The following ABCB5 variants were observed in gnomAD, a reference collection of about 807,000 sequenced individuals.
ABCB5 encodes ATP-binding cassette sub-family B member 5.
A neutral mutation model predicts 144.2 loss-of-function variants in ABCB5; 155 were observed. The observed-to-expected ratio is 1.08, with a 90% CI of 0.94 to 1.23. The LOEUF (loss-of-function observed/expected upper bound fraction) is 1.23, where lower values mean the gene tolerates loss of function less well. ABCB5 is among the 50% of genes most tolerant of loss of function. ABCB5 has a pLI of 0.00. For missense variants in ABCB5, 1,830 were observed against 1,520.8 expected, an observed-to-expected ratio of 1.20 and a Z score of -3.38; for synonymous variants, 610 against 528.6, an observed-to-expected ratio of 1.15 and a Z score of -2.11.
intron 16 of ABCB5, among the ~76,000 whole-genome samples, chr7:20,687,201 C>T (rs1162131075): frequency 1.3e-5 from 2 of 152,152 alleles, no homozygotes; most frequent in African/African-American, 4.8e-5. Flanking sequence ...CTGGACCTCC[C>T]TCAGCAACTG....
chr7:20,683,504 G>A (rs780670933), intron 15 of ABCB5, among the ~76,000 whole-genome samples: 14 of 152,180 alleles, frequency 9.2e-5, no homozygotes, highest in Non-Finnish European at 1.3e-4. Context: ...TCTTTCTTTG[G>A]AGTAGTACAT....
intron 20 of ABCB5, among the ~76,000 whole-genome samples, chr7:20,711,535 C>T (rs980098194): frequency 2.7e-5 from 4 of 147,252 alleles, no homozygotes; most frequent in African/African-American, 7.6e-5. Context: ...GATCACTACT[C>T]ATTGCAGCCT....
intron 5 of ABCB5, among the ~76,000 whole-genome samples, chr7:20,639,631 C>A (rs1784248137): frequency 6.6e-6 from 1 of 152,158 alleles, no homozygotes; most frequent in Non-Finnish European, 1.5e-5. Flanking sequence ...TGCCTTGGCA[C>A]CTTTGCTAAA....
At position 20,681,128 on chromosome 7, in the gene ABCB5, T is replaced by C. The variant is rs865787748; in HGVS notation, c.1708-377T>C. 2.9e-5 allele frequency among the ~76,000 whole-genome samples: 4 copies of C among 139,794 alleles called. 1 individual carries two copies. The highest frequency in any genetic ancestry group is 3.1e-5 in the Non-Finnish European group (2 of 64,686). 91.7% of individuals were successfully genotyped at this position (139,794 alleles called of 152,430 possible). On this transcript the variant is annotated intron_variant, in intron 14 of 27. Transcript: ENST00000404938. ...TCTTTCTTTCTTTCTTTCTTTCTTT[T>C]TCTTTCTGTCTTCTTTTTTGAGACG... is the stretch of plus-strand genomic sequence containing the variant.
In ABCB5 at chr7:20,650,010, A is replaced by G. The variant is rs374355055; in HGVS notation, c.1207-12A>G. 6.2e-7 allele frequency: 1 copy of G among 1,606,768 alleles called. No homozygotes were observed. The highest frequency in any genetic ancestry group is 1.3e-5 in the African/African-American group (1 of 74,820). On this transcript the variant is annotated splice_polypyrimidine_tract_variant and intron_variant, in intron 11 of 27. Transcript: ENST00000404938. ...TGTGGTTTTATGATTTTCCCTCCAT[A>G]CATTCCAATAGATTCTGAAAGGTCT... is the stretch of plus-strand genomic sequence containing the variant.
intron 2 of ABCB5, among the ~76,000 whole-genome samples, 198 bp from the exon 3 acceptor site, chr7:20,626,359 C>T (rs1583375621): frequency 6.6e-6 from 1 of 152,182 alleles, no homozygotes; most frequent in Non-Finnish European, 1.5e-5. Context: ...CCTCCAGACA[C>T]GTCTTCAAGT....
chr7:20,755,076 A>G (rs1024888015), intron 27 of ABCB5, among the ~76,000 whole-genome samples: 1 of 152,010 alleles, frequency 6.6e-6, no homozygotes, highest in Non-Finnish European at 1.5e-5. Flanking sequence ...CAGCCTCCCA[A>G]ATAGCTCGGA....
At chr7:20,707,823 T>TTTTTTTTTG (rs3033670) in intron 20 of ABCB5, among the ~76,000 whole-genome samples, 1 of 75,698 alleles carries the variant, frequency 1.3e-5, no homozygotes. Context: ...TTTTTTTTTT[T>TTTTTTTTTG]GAGACGGGGT....
chr7:20,681,352 C>T (rs905458053), intron 14 of ABCB5, among the ~76,000 whole-genome samples, 153 bp from the exon 15 acceptor site: 20 of 152,078 alleles, frequency 1.3e-4, no homozygotes, highest in African/African-American at 4.6e-4. Context: ...ATCTCTAACT[C>T]GTGACCTCAG....
chr7:20,738,897 T>C (rs762637382), intron 23 of ABCB5, 86 bp from the exon 24 acceptor site: 6 of 1,393,290 alleles, frequency 4.3e-6, no homozygotes, highest in Non-Finnish European at 5.7e-6. Context: ...TATATTCCTG[T>C]GCCTGCTTTT....
chr7:20,666,712 G>A, intron 14 of ABCB5: 3 of 1,581,404 alleles, frequency 1.9e-6, no homozygotes, highest in Non-Finnish European at 1.7e-6. Flanking sequence ...AATCTGTGAA[G>A]TAGGATAGGA....
chr7:20,623,512 A>G (rs1387278104), intron 2 of ABCB5, among the ~76,000 whole-genome samples, 174 bp downstream of exon 2: 3 of 152,172 alleles, frequency 2.0e-5, no homozygotes, highest in Non-Finnish European at 4.4e-5. Flanking sequence ...TGATTTTAGG[A>G]ACTGCAATAG....
chr7:20,676,499 G>T (rs894010127), intron 14 of ABCB5, among the ~76,000 whole-genome samples: 1 of 152,158 alleles, frequency 6.6e-6, no homozygotes, highest in South Asian at 2.1e-4. Context: ...GTCGCAGAAG[G>T]ACAAATACTG....
At chr7:20,714,062 G>A (rs767457669) in intron 20 of ABCB5, among the ~76,000 whole-genome samples, 1 of 152,118 alleles carries the variant, frequency 6.6e-6, no homozygotes, top group East Asian at 1.9e-4. Flanking sequence ...ACCTCTGCCC[G>A]TGGTTGCCTT....
intron 14 of ABCB5, among the ~76,000 whole-genome samples, chr7:20,677,472 G>A (rs1785653773): frequency 6.6e-6 from 1 of 152,172 alleles, no homozygotes; most frequent in Non-Finnish European, 1.5e-5. Flanking sequence ...CCCTTTGCCA[G>A]TAATCCAGCA....
At chr7:20,628,522 T>A (rs1004189610) in intron 3 of ABCB5, among the ~76,000 whole-genome samples, 166 bp from the exon 4 acceptor site, 5 of 152,204 alleles carry the variant, frequency 3.3e-5, no homozygotes, top group Admixed American at 6.5e-5. Flanking sequence ...GTTTTTACTT[T>A]AGATATAAAT....
At chr7:20,663,116 C>T (rs542064809) in intron 14 of ABCB5, among the ~76,000 whole-genome samples, 2 of 152,318 alleles carry the variant, frequency 1.3e-5, no homozygotes, top group African/African-American at 4.8e-5. Context: ...ATCCTTCTGC[C>T]TCATTCTTGT....
At chr7:20,664,821 T>G (rs1011561) in intron 14 of ABCB5, among the ~76,000 whole-genome samples, 30,369 of 152,166 alleles carry the variant, frequency 0.2, 3,976 homozygotes, top group African/African-American at 0.37. Context: ...CTGGGAGTGG[T>G]GGCTCACACT....
rs541663941 is a variant in ABCB5, at chr7:20,709,331, A to T, written c.2421+4524A>T. ...TGCGAAGAAATTCTGCTAAGACAAG[A>T]TATTTTGTTTTATATTTTCTAGTTT... On this transcript the variant is annotated intron_variant, in intron 20 of 27. Transcript: ENST00000404938. Among the ~76,000 whole-genome samples the T allele has an allele frequency of 1.4e-4, 21 of 150,008 alleles. 2 individuals are homozygous for T. In the South Asian group the frequency reaches 4.5e-3, roughly 32 times the overall value.
Sources: gnomAD v4.1 joint callset for allele counts (sites outside exome capture counted in the v4.1 genomes callset) on GRCh38, gnomAD v4.1.1 for gene constraint, MANE v1.5 for transcripts, NCBI Gene and HGNC (gene_info 2026-07-23, HGNC 2026-07-21) for gene names.